The following HIVEP3 variants were observed in gnomAD, a reference collection of about 807,000 sequenced individuals.
HIVEP3 encodes HIVEP zinc finger 3, also known as transcription factor HIVEP3.
HIVEP3 carries 49 observed loss-of-function variants against 152.8 expected under a neutral mutation model. That is an observed-to-expected ratio of 0.32 (90% CI 0.26 to 0.41). The LOEUF (loss-of-function observed/expected upper bound fraction) is 0.41. HIVEP3 is among the 10% of genes least tolerant of loss of function. The pLI is 1.00. For missense variants in HIVEP3, 2,790 were observed against 3,103.3 expected (o/e 0.90, Z 2.40); for synonymous variants, 1,269 against 1,289.0 (o/e 0.98, Z 0.33).
intron 1 of HIVEP3, among the ~76,000 whole-genome samples, chr1:41,728,478 G>A (rs934930021): frequency 7.2e-5 from 11 of 152,104 alleles, no homozygotes; most frequent in Non-Finnish European, 7.4e-5. Flanking sequence ...AGAGCAGGGG[G>A]AGTAAGGGGG....
intron 1 of HIVEP3, among the ~76,000 whole-genome samples, chr1:41,705,644 G>C (rs1340319331): frequency 6.6e-6 from 1 of 152,204 alleles, no homozygotes; most frequent in East Asian, 1.9e-4. Context: ...CGCTCACAGG[G>C]TGTGAGGAAA....
chr1:41,524,930 T>C lies in HIVEP3; in HGVS notation c.5208-20A>G, dbSNP rs757039161. 29 of 1,600,708 alleles carry C rather than the reference T, an allele frequency of 1.8e-5. No individual in the cohort carries two copies. Among genetic ancestry groups the C allele is most frequent in the Non-Finnish European group, 2.4e-5 (28 of 1,171,434 alleles). ...TTGTACCTATGAGCAACAGGCGTCA[T>C]AGTAAAGGGAAAAAAAAGGAGAAGA... On this transcript the variant is annotated intron_variant, in intron 5 of 8. Transcript: ENST00000372583.
chr1:41,679,606 C>T (rs765630441), intron 2 of HIVEP3, among the ~76,000 whole-genome samples: 1 of 152,200 alleles, frequency 6.6e-6, no homozygotes, highest in Non-Finnish European at 1.5e-5. Flanking sequence ...CTACAAGGTG[C>T]TGCTGCCCAG....
At chr1:41,732,737 G>A (rs553173384) in intron 1 of HIVEP3, among the ~76,000 whole-genome samples, 10 of 152,206 alleles carry the variant, frequency 6.6e-5, no homozygotes, top group Admixed American at 2.0e-4. Flanking sequence ...GGACCGCGAC[G>A]CTCTATCCCC....
chr1:41,927,993 G>A (rs533149543), intron 1 of HIVEP3, among the ~76,000 whole-genome samples: 3 of 147,660 alleles, frequency 2.0e-5, no homozygotes, highest in Admixed American at 6.9e-5. Flanking sequence ...CCCAGGAGGC[G>A]GAGGTTGCAG....
At position 41,694,093 on chromosome 1, in the gene HIVEP3, A is replaced by C. The variant is rs185145865; in HGVS notation, c.-721+6823T>G. Among the ~76,000 whole-genome samples the C allele has an allele frequency of 4.6e-4, 70 of 151,962 alleles. No individual in the cohort carries two copies. The East Asian group carries it at 0.013, about 27-fold the overall frequency. On this transcript the variant is annotated intron_variant, in intron 2 of 8. Transcript: ENST00000372583. The stretch of plus-strand genomic sequence containing the variant: ...CATTTTATGAAAAATTTTTTTTGGG[A>C]TTTCGAGATTCAATTTTATTTATAG...
intron 1 of HIVEP3, among the ~76,000 whole-genome samples, chr1:41,703,531 T>C (rs1360327019): frequency 1.3e-5 from 2 of 152,184 alleles, no homozygotes; most frequent in Non-Finnish European, 2.9e-5. Context: ...AAAAGGATAA[T>C]AATAGCTATC....
At chr1:42,014,980 C>T (rs1273943940) in intron 1 of HIVEP3, among the ~76,000 whole-genome samples, 1 of 152,132 alleles carries the variant, frequency 6.6e-6, no homozygotes, top group Admixed American at 6.5e-5. Flanking sequence ...GCAAACACAT[C>T]TGTGACTGTC....
upstream of HIVEP3, among the ~76,000 whole-genome samples, chr1:41,919,614 AT>A (rs1240627326): frequency 6.6e-6 from 1 of 152,068 alleles, no homozygotes; most frequent in African/African-American, 2.4e-5. Flanking sequence ...CTTCTTCAAG[AT>A]TTTGTTATTG....
intron 1 of HIVEP3, among the ~76,000 whole-genome samples, chr1:41,881,074 A>G (rs1190976039): frequency 6.6e-6 from 1 of 152,200 alleles, no homozygotes; most frequent in Non-Finnish European, 1.5e-5. Flanking sequence ...CTTTGGAGAA[A>G]GGAGTTGGCT....
intron 1 of HIVEP3, among the ~76,000 whole-genome samples, chr1:42,027,843 T>G: frequency 6.6e-6 from 1 of 152,084 alleles, no homozygotes; most frequent in East Asian, 1.9e-4. Context: ...CTCATGAGAC[T>G]CACTATCACG....
intron 1 of HIVEP3, among the ~76,000 whole-genome samples, chr1:41,780,502 C>T (rs1648979192): frequency 6.6e-6 from 1 of 152,196 alleles, no homozygotes; most frequent in Non-Finnish European, 1.5e-5. Context: ...TCTGGGGATG[C>T]TCCTTGCCTG....
intron 1 of HIVEP3, among the ~76,000 whole-genome samples, chr1:41,975,405 G>C (rs149153217): frequency 3.2e-4 from 49 of 152,288 alleles, no homozygotes; most frequent in African/African-American, 1.1e-3. Context: ...AATGCAGCAG[G>C]AATGCCCACC....
At chr1:41,891,784 C>A (rs564225765) in intron 1 of HIVEP3, among the ~76,000 whole-genome samples, 1 of 152,200 alleles carries the variant, frequency 6.6e-6, no homozygotes, top group African/African-American at 2.4e-5. Flanking sequence ...GGGTTAATTA[C>A]GTTTACTGAC....
intron 2 of HIVEP3, among the ~76,000 whole-genome samples, chr1:41,677,278 A>T (rs1315501545): frequency 6.6e-6 from 1 of 152,184 alleles, no homozygotes; most frequent in Admixed American, 6.6e-5. Flanking sequence ...CTGCTCTAAC[A>T]CGCTTCACAC....
At chr1:41,525,889 CAGG>C (rs1009354224) in intron 5 of HIVEP3, among the ~76,000 whole-genome samples, 3 of 152,114 alleles carry the variant, frequency 2.0e-5, no homozygotes, top group African/African-American at 7.2e-5. Flanking sequence ...GGCATAATTC[CAGG>C]AGAAGAGCCT....
intron 2 of HIVEP3, among the ~76,000 whole-genome samples, chr1:41,691,245 C>G (rs1235268634): frequency 6.6e-6 from 1 of 152,178 alleles, no homozygotes; most frequent in Non-Finnish European, 1.5e-5. Flanking sequence ...AGTTTTCCTT[C>G]TAAATTGAAA....
rs1644487135 is a variant in HIVEP3 at position 41,585,277 on chromosome 1, G to A, written c.-480C>T. 2.5e-6 allele frequency: 1 copy of A among 399,012 alleles called. No homozygotes were observed. The highest frequency in any genetic ancestry group is 4.4e-6 in the Non-Finnish European group (1 of 226,206). 24.7% of individuals were successfully genotyped at this position (399,012 alleles called of 1,614,324 possible). ...TGGCTCTTCTCCCCTTTAGTTCTGG[G>A]TTGGAGATCAACGGCCTTGGAGGAG... On this transcript the variant is annotated 5_prime_UTR_variant, in exon 4 of 9. Coordinates refer to ENST00000372583, the MANE Select transcript of HIVEP3 (RefSeq NM_024503.5).
intron 2 of HIVEP3, among the ~76,000 whole-genome samples, chr1:41,666,326 A>G (rs1645796242): frequency 6.6e-6 from 1 of 152,098 alleles, no homozygotes; most frequent in Non-Finnish European, 1.5e-5. Flanking sequence ...CTGTGTTTCC[A>G]GCTTCCTGAC....
Sources: gnomAD v4.1 joint callset for allele counts (sites outside exome capture counted in the v4.1 genomes callset) on GRCh38, gnomAD v4.1.1 for gene constraint, MANE v1.5 for transcripts, NCBI Gene and HGNC (gene_info 2026-07-23, HGNC 2026-07-21) for gene names.